The following PACRG variants were observed in gnomAD, a reference collection of about 807,000 sequenced individuals.
PACRG encodes parkin coregulated gene protein.
A neutral mutation model predicts 29.7 loss-of-function variants in PACRG; 29 were observed. The ratio of observed to expected loss-of-function variants is 0.98; its 90% CI spans 0.73 to 1.33. PACRG has a LOEUF of 1.33. Among genes scored for constraint, PACRG ranks in the 40% most tolerant of loss-of-function variants. The probability of loss-of-function intolerance (pLI) is 0.00; values close to 1 mark genes in which losing one functional copy is unlikely to be tolerated. For synonymous variants in PACRG, 116 were observed against 118.7 expected (o/e 0.98, Z 0.15); for missense variants, 279 against 316.2 (o/e 0.88, Z 0.89).
At chr6:163,111,216 G>C (rs1815695975) in intron 4 of PACRG, among the ~76,000 whole-genome samples, 1 of 152,166 alleles carries the variant, frequency 6.6e-6, no homozygotes, top group East Asian at 1.9e-4. Context: ...CCACACTGTA[G>C]TTAATCCCAA....
chr6:163,303,239 G>A (rs924357340), intron 4 of PACRG, among the ~76,000 whole-genome samples: 4 of 152,112 alleles, frequency 2.6e-5, no homozygotes, highest in African/African-American at 9.7e-5. Flanking sequence ...CAGGAGAATT[G>A]TTGGAGCCCA....
intron 4 of PACRG, among the ~76,000 whole-genome samples, chr6:163,105,573 T>C (rs1815336397): frequency 6.6e-6 from 1 of 152,168 alleles, no homozygotes; most frequent in East Asian, 1.9e-4. Context: ...GCTATCGATA[T>C]AGTTAACTAA....
intron 4 of PACRG, among the ~76,000 whole-genome samples, chr6:163,129,680 G>T (rs946581357): frequency 2.0e-5 from 3 of 152,166 alleles, no homozygotes; most frequent in African/African-American, 7.2e-5. Context: ...GGGCAGCGTG[G>T]CAGTGGTTAG....
At chr6:163,166,147 G>A (rs1408646190) in intron 4 of PACRG, 4 of 456,082 alleles carry the variant, frequency 8.8e-6, no homozygotes, top group African/African-American at 2.0e-5. Context: ...CGTCGCTTGC[G>A]CCCGGCACAT....
chr6:162,760,948 A>G (rs1782307565), intron 1 of PACRG, among the ~76,000 whole-genome samples: 1 of 152,160 alleles, frequency 6.6e-6, no homozygotes, highest in African/African-American at 2.4e-5. Flanking sequence ...GGAAATGTGA[A>G]TAAATTCAGG....
chr6:163,126,416 A>G (rs1816515959), intron 4 of PACRG, among the ~76,000 whole-genome samples: 1 of 152,146 alleles, frequency 6.6e-6, no homozygotes, highest in Non-Finnish European at 1.5e-5. Flanking sequence ...ATTTCACAGA[A>G]CTAATTTCTA....
chr6:162,762,450 G>A (rs1782450462), intron 1 of PACRG, among the ~76,000 whole-genome samples: 1 of 152,178 alleles, frequency 6.6e-6, no homozygotes, highest in Non-Finnish European at 1.5e-5. Flanking sequence ...CTTCATCTCT[G>A]TCCACACAGG....
chr6:163,287,298 T>A lies in PACRG; in HGVS notation c.614-27529T>A, dbSNP rs576524074. Among the ~76,000 whole-genome samples the A allele has an allele frequency of 3.3e-5, 5 of 152,310 alleles. No homozygotes were observed. In the South Asian group the frequency reaches 8.3e-4, roughly 25 times the overall value. On this transcript the variant is annotated intron_variant, in intron 4 of 4. Coordinates refer to ENST00000366888, the MANE Select transcript of PACRG (RefSeq NM_001080379.2). ...CTCTTGCCTTTCACTTTGCAAAATC[T>A]GAACAACGTTTTGGAAACCTGGTCC...
intron 1 of PACRG, among the ~76,000 whole-genome samples, chr6:162,781,707 G>A (rs34655790): frequency 0.095 from 14,375 of 151,470 alleles, 781 homozygotes; most frequent in Middle Eastern, 0.17. Context: ...AGTAGACAGT[G>A]ATAAGTTTAA....
At chr6:162,976,526 G>A (rs1055622436) in intron 2 of PACRG, among the ~76,000 whole-genome samples, 1 of 152,170 alleles carries the variant, frequency 6.6e-6, no homozygotes, top group African/African-American at 2.4e-5. Context: ...AGAGACACAG[G>A]AGGAACAGCA....
At chr6:163,069,367 T>G (rs1811842295) in intron 3 of PACRG, among the ~76,000 whole-genome samples, 1 of 150,146 alleles carries the variant, frequency 6.7e-6, no homozygotes, top group Admixed American at 6.6e-5. Flanking sequence ...AGACAAGGAA[T>G]TCAAAATAGC....
chr6:163,251,157 T>A (rs2128172203), intron 4 of PACRG, among the ~76,000 whole-genome samples: 1 of 152,000 alleles, frequency 6.6e-6, no homozygotes, highest in South Asian at 2.1e-4. Context: ...TTGGGTGCAG[T>A]GTATACTGCT....
chr6:162,778,905 T>A (rs894520827), intron 1 of PACRG, among the ~76,000 whole-genome samples: 2 of 152,226 alleles, frequency 1.3e-5, no homozygotes, highest in South Asian at 4.1e-4. Context: ...CTGGGGTACA[T>A]GCGCAGGATG....
chr6:162,787,905 A>AT (rs34632952), intron 1 of PACRG, among the ~76,000 whole-genome samples: 54,120 of 151,120 alleles, frequency 0.36, 11,131 homozygotes, highest in South Asian at 0.62. Context: ...AATAGACTTT[A>AT]TTTTTTAGAG....
chr6:162,764,404 T>C (rs1056853777), intron 1 of PACRG, among the ~76,000 whole-genome samples: 5 of 92,214 alleles, frequency 5.4e-5, no homozygotes, highest in African/African-American at 2.4e-4. Flanking sequence ...TTTAATATTT[T>C]CTTATAACTG....
In PACRG at chr6:163,097,582, C is replaced by T. The variant is rs535056828; in HGVS notation, c.613+8174C>T. 2.6e-5 allele frequency among the ~76,000 whole-genome samples: 4 copies of T among 152,296 alleles called. No individual in the cohort carries two copies. The South Asian group carries it at 8.3e-4, about 32-fold the overall frequency. ...ACATGTGCCTAAGGTGGTTGAGTTACAGCTTGGTTTTTATATCTTTTAGGG... is the reference window on the plus strand; with the variant it reads ...ACATGTGCCTAAGGTGGTTGAGTTATAGCTTGGTTTTTATATCTTTTAGGG... On this transcript the variant is annotated intron_variant, in intron 4 of 4. Transcript: ENST00000366888.
intron 4 of PACRG, among the ~76,000 whole-genome samples, chr6:163,244,033 AG>A (rs1782602648): frequency 6.6e-6 from 1 of 152,226 alleles, no homozygotes. Flanking sequence ...TTTGACACAG[AG>A]ATTTTGTCTG....
At chr6:163,128,810 C>T (rs1816616650) in intron 4 of PACRG, among the ~76,000 whole-genome samples, 1 of 152,172 alleles carries the variant, frequency 6.6e-6, no homozygotes, top group South Asian at 2.1e-4. Context: ...ATTTACCGCT[C>T]AGTAAGCTAT....
intron 4 of PACRG, among the ~76,000 whole-genome samples, chr6:163,285,181 C>A (rs13200025): frequency 9.2e-5 from 14 of 151,376 alleles, no homozygotes; most frequent in African/African-American, 3.2e-4. Flanking sequence ...AGACACCCCT[C>A]TCCCCACCCC....
Sources: allele counts gnomAD v4.1 joint callset (sites outside exome capture counted in the v4.1 genomes callset), GRCh38; gene constraint gnomAD v4.1.1; transcripts MANE v1.5; gene names NCBI Gene and HGNC (gene_info 2026-07-23, HGNC 2026-07-21).